The following CDH15 variants were observed in gnomAD, a reference collection of about 807,000 sequenced individuals.
CDH15 encodes the protein cadherin 15.
A neutral mutation model predicts 69.4 loss-of-function variants in CDH15; 73 were observed. That is an observed-to-expected ratio of 1.05 (90% CI 0.87 to 1.28). The LOEUF is 1.28. Among genes scored for constraint, CDH15 ranks in the 50% most tolerant of loss-of-function variants. CDH15 has a pLI of 0.00. For synonymous variants in CDH15, 624 were observed against 507.7 expected, an observed-to-expected ratio of 1.23 and a Z score of -3.08; for missense variants, 1,343 against 1,133.6, an observed-to-expected ratio of 1.18 and a Z score of -2.65.
chr16:89,187,593 G>GCT, intron 6 of CDH15, 36 bp downstream of exon 6: 1 of 1,612,014 alleles, frequency 6.2e-7, no homozygotes. Flanking sequence ...AGTAGCCCCT[G>GCT]CTTAGAGCTG....
chr16:89,190,068 A>T (rs1915602024), intron 7 of CDH15, among the ~76,000 whole-genome samples, 175 bp from the exon 8 acceptor site: 1 of 152,242 alleles, frequency 6.6e-6, no homozygotes, highest in African/African-American at 2.4e-5. Flanking sequence ...CAGCATTTTA[A>T]TAATATTCTT....
At chr16:89,183,489 A>C in intron 3 of CDH15, 59 bp from the exon 4 acceptor site, 2 of 1,604,640 alleles carry the variant, frequency 1.2e-6, no homozygotes, top group Non-Finnish European at 1.7e-6. Flanking sequence ...GCATGGCCCT[A>C]ACGGGAGCCA....
chr16:89,190,595 A>G, intron 8 of CDH15, 99 bp downstream of exon 8: 1 of 1,438,954 alleles, frequency 6.9e-7, no homozygotes, highest in Non-Finnish European at 9.5e-7. Flanking sequence ...CAGAGGGTGT[A>G]GGGGCCATTT....
intron 5 of CDH15, chr16:89,185,765 A>C: frequency 3.8e-6 from 1 of 264,688 alleles, no homozygotes. Flanking sequence ...GTCTTTGTCC[A>C]TTTCTGTTCC....
At chr16:89,191,084 G>C (rs1039009229) in intron 8 of CDH15, among the ~76,000 whole-genome samples, 4 of 151,020 alleles carry the variant, frequency 2.6e-5, no homozygotes, top group African/African-American at 7.4e-5. Flanking sequence ...GTGGGGGGGA[G>C]TGTCTATGTG....
intron 6 of CDH15, 43 bp from the exon 7 acceptor site, chr16:89,188,057 C>G: frequency 6.5e-7 from 1 of 1,549,164 alleles, no homozygotes; most frequent in Non-Finnish European, 8.8e-7. Context: ...CCATGCTGTC[C>G]CCCCAGCCCT....
At chr16:89,174,745 A>G (rs1395847095) in intron 1 of CDH15, among the ~76,000 whole-genome samples, 1 of 152,044 alleles carries the variant, frequency 6.6e-6, no homozygotes, top group Non-Finnish European at 1.5e-5. Context: ...CCCTGTGGGG[A>G]AGCAGGTCAC....
intron 5 of CDH15, 100 bp downstream of exon 5, chr16:89,185,433 C>G: frequency 1.5e-6 from 2 of 1,323,402 alleles, no homozygotes; most frequent in Non-Finnish European, 2.1e-6. Context: ...ACGCTCCTGT[C>G]CCTGCCGTCA....
chr16:89,188,898 CCA>C (rs760558714), intron 7 of CDH15, among the ~76,000 whole-genome samples: 15 of 138,106 alleles, frequency 1.1e-4, no homozygotes, highest in East Asian at 4.7e-4. Context: ...ACACAGATGC[CCA>C]CACACACATG....
In CDH15 at chr16:89,190,257, G is replaced by C; in HGVS notation, c.993G>C (p.Glu331Asp). 6.2e-7 allele frequency: 1 copy of C among 1,612,642 alleles called. No individual in the cohort carries two copies. Among genetic ancestry groups the C allele is most frequent in the Non-Finnish European group, 8.5e-7 (1 of 1,179,854 alleles). ...CCTTCCCTCAGGCCCTGGACTATGA[G>C]AGCTGTGAACACTACGAACTCAAAG... is the stretch of plus-strand genomic sequence containing the variant. ...VLSIVKALDY[E>D]SCEHYELKVS... Residue 331 changes from glutamate (E) to aspartate (D), a missense_variant, in exon 8 of 14, where the codon GAG becomes GAC. By Grantham distance (45) the Glu-to-Asp change is conservative. Transcript: ENST00000289746.
At chr16:89,176,299 C>G (rs1283619401) in intron 1 of CDH15, among the ~76,000 whole-genome samples, 1 of 152,186 alleles carries the variant, frequency 6.6e-6, no homozygotes, top group East Asian at 1.9e-4. Context: ...GAGGCATTGG[C>G]ACGGGGCTGA....
chr16:89,181,601 C>T (rs534148809), intron 3 of CDH15, among the ~76,000 whole-genome samples: 7 of 151,690 alleles, frequency 4.6e-5, no homozygotes, highest in South Asian at 2.1e-4. Context: ...TGCGCCGCTG[C>T]GCTCCAGCCT....
At chr16:89,190,575 C>T (rs752093942) in intron 8 of CDH15, 79 bp downstream of exon 8, 5 of 1,520,140 alleles carry the variant, frequency 3.3e-6, no homozygotes, top group Middle Eastern at 4.3e-4. Context: ...GATCCCTGGG[C>T]TCTGAGGGTC....
At chr16:89,194,280 C>T (rs747609049) in intron 13 of CDH15, among the ~76,000 whole-genome samples, 4 of 152,160 alleles carry the variant, frequency 2.6e-5, no homozygotes, top group Non-Finnish European at 5.9e-5. Flanking sequence ...CTGGACACAG[C>T]GTTAATGATT....
rs1915345894 is a variant in CDH15 at position 89,180,249 on chromosome 16, G to C, written c.251G>C (p.Gly84Ala). Reference sequence around the variant, plus strand: ...GGCAGCGTCATCTACAGCATCCAGGGACCCGGCGTGGATGAGGAGCCCCGG... The same window carrying C: ...GGCAGCGTCATCTACAGCATCCAGGCACCCGGCGTGGATGAGGAGCCCCGG... ...QLGSVIYSIQ[G>A]PGVDEEPRGV... Residue 84 changes from glycine to alanine, a missense_variant, in exon 3 of 14, where the codon GGA (glycine) becomes GCA (alanine). Transcript: ENST00000289746. 3 of 1,609,938 alleles carry C rather than the reference G, an allele frequency of 1.9e-6. No individual in the cohort carries two copies. The highest frequency in any genetic ancestry group is 1.7e-5 in the Admixed American group (1 of 59,684).
intron 9 of CDH15, 87 bp from the exon 10 acceptor site, chr16:89,191,568 G>A: frequency 1.3e-6 from 2 of 1,581,328 alleles, no homozygotes; most frequent in South Asian, 1.1e-5. Flanking sequence ...GTCGCCCGGG[G>A]GCTCAGAGCT....
At chr16:89,179,313 C>T in intron 1 of CDH15, 103 bp from the exon 2 acceptor site, 1 of 1,361,396 alleles carries the variant, frequency 7.3e-7, no homozygotes, top group East Asian at 2.3e-5. Flanking sequence ...CTGAGGGAAA[C>T]ACTGCGCCCC....
At chr16:89,175,052 C>T (rs903351474) in intron 1 of CDH15, among the ~76,000 whole-genome samples, 6 of 152,188 alleles carry the variant, frequency 3.9e-5, no homozygotes, top group African/African-American at 1.4e-4. Flanking sequence ...TGCTCACCCA[C>T]ACCCACATTG....
In CDH15 at chr16:89,188,247, G is replaced by A. The variant is rs781472375; in HGVS notation, c.940G>A (p.Asp314Asn). The change falls in exon 7 of 14, where the codon GAC becomes AAC. Residue 314 changes from aspartate to asparagine, a missense_variant. By Grantham distance (23) the Asp-to-Asn change is conservative (BLOSUM62 1). Coordinates refer to ENST00000289746, the MANE Select transcript of CDH15 (RefSeq NM_004933.3). ...DPDGQFTIRT[D>N]PKTNEGVLSI... Reference sequence around the variant, plus strand: ...CGATGGGCAGTTCACCATCCGCACGGACCCCAAGACCAACGAGGGTGTTCT... The same window carrying A: ...CGATGGGCAGTTCACCATCCGCACGAACCCCAAGACCAACGAGGGTGTTCT... 3.7e-6 allele frequency: 6 copies of A among 1,613,532 alleles called. No homozygotes were observed. The South Asian group carries it at 6.6e-5, about 18-fold the overall frequency.
Sources: allele counts gnomAD v4.1 joint callset (sites outside exome capture counted in the v4.1 genomes callset), GRCh38; gene constraint gnomAD v4.1.1; transcripts MANE v1.5; gene names NCBI Gene and HGNC (gene_info 2026-07-23, HGNC 2026-07-21).